CDK5RAP1: variants seen among roughly 807,000 people sequenced by gnomAD.
The protein encoded by CDK5RAP1 is mitochondrial tRNA methylthiotransferase CDK5RAP1.
In CDK5RAP1, 62 loss-of-function variants were observed where a neutral mutation model predicts 64.5. The observed-to-expected ratio is 0.96, with a 90% confidence interval of 0.78 to 1.19. The LOEUF is 1.19. Among genes scored for constraint, CDK5RAP1 ranks in the 50% most tolerant of loss-of-function variants. The pLI is 0.00. For synonymous variants in CDK5RAP1, 250 were observed against 261.9 expected, an observed-to-expected ratio of 0.95 and a Z score of 0.44; for missense variants, 657 against 735.0, an observed-to-expected ratio of 0.89 and a Z score of 1.23.
At position 33,396,782 on chromosome 20, in the gene CDK5RAP1, G is replaced by A. The variant is rs770229470; in HGVS notation, c.283C>T (p.Leu95Phe). The A allele has an allele frequency of 2.5e-6, 4 of 1,613,428 alleles. No homozygotes were observed. The East Asian group carries it at 8.9e-5, about 36-fold the overall frequency. Residue 95 changes from leucine (L) to phenylalanine (F), a missense_variant, in exon 2 of 14, where the codon CTT becomes TTT. Transcript: ENST00000346416. ...CAACCTTTTCTCTGCCTTCCAAGAA[G>A]TTCATCCATCATGAGATAGGGAGGT... ...DPPPYLMMDELLGRQRKVYLE... is the reference protein window; with the variant it reads ...DPPPYLMMDEFLGRQRKVYLE...
chr20:33,381,837 G>T (rs948600038), intron 7 of CDK5RAP1, among the ~76,000 whole-genome samples: 1 of 152,132 alleles, frequency 6.6e-6, no homozygotes, highest in African/African-American at 2.4e-5. Context: ...ATTTATTTGT[G>T]TAAGTTGTGA....
intron 8 of CDK5RAP1, among the ~76,000 whole-genome samples, chr20:33,375,439 CAT>C (rs1316913661): frequency 9.4e-5 from 14 of 148,506 alleles, no homozygotes; most frequent in Admixed American, 8.7e-4. Flanking sequence ...GAAAAGAAAA[CAT>C]AAAGAGAACA....
intron 8 of CDK5RAP1, among the ~76,000 whole-genome samples, chr20:33,374,587 A>G (rs1394401741): frequency 6.6e-6 from 1 of 151,036 alleles, no homozygotes; most frequent in Non-Finnish European, 1.5e-5. Context: ...TTTTTGAGAC[A>G]GAGTATCACT....
chr20:33,359,041 G>A lies in CDK5RAP1; in HGVS notation c.*2C>T, dbSNP rs1200715601. ...AGTCAGCTCTGAGGCCATCCTCTCA[G>A]GTCAGCAATATGCAGAAGAGTCCCT... On this transcript the variant is annotated 3_prime_UTR_variant, in exon 14 of 14. Transcript: ENST00000346416. 1 of 1,608,200 alleles carries A rather than the reference G, an allele frequency of 6.2e-7. No homozygotes were observed. The highest frequency in any genetic ancestry group is 8.5e-7 in the Non-Finnish European group (1 of 1,174,746).
chr20:33,388,527 CCTCTCCCCCTCTCCCTCTCCCCCTCT>C (rs1987762320), intron 5 of CDK5RAP1, among the ~76,000 whole-genome samples: 1 of 97,330 alleles, frequency 1.0e-5, no homozygotes, highest in African/African-American at 4.3e-5. Context: ...TCTCCCTCTC[CCTCTCCCCCTCTCCCTCTCCCCCTCT>C]CCCTCTCCCT....
In CDK5RAP1 at chr20:33,366,921, C is replaced by T; in HGVS notation, c.1480G>A (p.Glu494Lys). Residue 494 changes from glutamate (E) to lysine (K), a missense_variant, in exon 12 of 14, where the codon GAA becomes AAA. Transcript: ENST00000346416. ...GTCTGATTGGCTTTTGTTGCTTCTT[C>T]TCGGAAGATAGTGATGAGTTCCTCC... Reference protein sequence around the residue: ...RLEELITIFREEATKANQTSV... With the variant: ...RLEELITIFRKEATKANQTSV... The T allele has an allele frequency of 6.2e-7, 1 of 1,614,000 alleles. No homozygotes were observed. The highest frequency in any genetic ancestry group is 8.5e-7 in the Non-Finnish European group (1 of 1,179,998).
At chr20:33,400,528 TTAAGAA>T (rs562558303) in intron 1 of CDK5RAP1, among the ~76,000 whole-genome samples, 7 of 152,180 alleles carry the variant, frequency 4.6e-5, no homozygotes, top group South Asian at 2.1e-4. Flanking sequence ...ATAAGTGTTA[TTAAGAA>T]TAAGATATTA....
chr20:33,392,851 T>C (rs1305327990), intron 4 of CDK5RAP1, among the ~76,000 whole-genome samples: 2 of 151,802 alleles, frequency 1.3e-5, no homozygotes, highest in Non-Finnish European at 2.9e-5. Context: ...CCCTTCTACT[T>C]TAACTAGATT....
intron 8 of CDK5RAP1, among the ~76,000 whole-genome samples, chr20:33,378,298 T>C (rs537011342): frequency 1.2e-3 from 181 of 152,306 alleles, no homozygotes; most frequent in African/African-American, 4.2e-3. Context: ...GGAATGGCCG[T>C]CTGTGGAACA....
intron 8 of CDK5RAP1, among the ~76,000 whole-genome samples, chr20:33,375,514 A>G (rs1184301328): frequency 6.6e-6 from 1 of 152,174 alleles, no homozygotes. Context: ...AAAATAAAGG[A>G]TATGTAAAGA....
At chr20:33,393,941 C>A in intron 4 of CDK5RAP1, 91 bp downstream of exon 4, 1 of 906,256 alleles carries the variant, frequency 1.1e-6, no homozygotes, top group Non-Finnish European at 1.9e-6. Context: ...GGGCCACTGG[C>A]TCATCTCCAT....
rs116206778 is a variant in CDK5RAP1 at position 33,361,727 on chromosome 20, G to A, written c.1543-1236C>T. Among the ~76,000 whole-genome samples, 1,248 of 152,088 alleles carry A rather than the reference G, an allele frequency of 8.2e-3. 22 individuals are homozygous for A. The highest frequency in any genetic ancestry group is 0.028 in the African/African-American group (1,175 of 41,482). ...TTCCAGCACTTTGGGAGGCTGAGGC[G>A]AGTGAATTACCTGAGGTCAGGAGTT... On this transcript the variant is annotated intron_variant, in intron 12 of 13. Transcript: ENST00000346416.
At chr20:33,360,534 G>T (rs1982727306) in intron 12 of CDK5RAP1, 43 bp from the exon 13 acceptor site, 6 of 1,575,918 alleles carry the variant, frequency 3.8e-6, no homozygotes, top group Non-Finnish European at 5.2e-6. Flanking sequence ...TGTCACAGTT[G>T]TAAGTTCTTG....
chr20:33,365,315 A>C (rs1011554798), intron 12 of CDK5RAP1, among the ~76,000 whole-genome samples: 5 of 152,008 alleles, frequency 3.3e-5, no homozygotes, highest in Non-Finnish European at 7.4e-5. Flanking sequence ...TCTGTTGCCC[A>C]GGCTGGAGTG....
intron 12 of CDK5RAP1, among the ~76,000 whole-genome samples, 162 bp from the exon 13 acceptor site, chr20:33,360,653 A>G (rs753573320): frequency 1.1e-4 from 16 of 152,212 alleles, no homozygotes; most frequent in Non-Finnish European, 1.9e-4. Context: ...CTGCTTCACC[A>G]GCAAGGGCAG....
chr20:33,386,363 C>T (rs1259585721), intron 6 of CDK5RAP1, among the ~76,000 whole-genome samples: 2 of 152,118 alleles, frequency 1.3e-5, no homozygotes, highest in African/African-American at 4.8e-5. Flanking sequence ...CACCTGGCCC[C>T]TCTACTGTTT....
intron 4 of CDK5RAP1, among the ~76,000 whole-genome samples, chr20:33,392,462 A>ATTTT (rs1202756640): frequency 5.9e-5 from 7 of 119,000 alleles, no homozygotes; most frequent in South Asian, 2.8e-4. Context: ...TTTGGGGGGG[A>ATTTT]TTTTTTTTTT....
chr20:33,387,578 G>T, intron 5 of CDK5RAP1, 45 bp from the exon 6 acceptor site: 1 of 1,458,240 alleles, frequency 6.9e-7, no homozygotes, highest in Non-Finnish European at 9.6e-7. Context: ...AATCCACCTG[G>T]TGTTTAATGG....
chr20:33,396,531 C>T lies in CDK5RAP1; in HGVS notation c.304+230G>A, dbSNP rs535515710. 2.0e-5 allele frequency among the ~76,000 whole-genome samples: 3 copies of T among 152,250 alleles called. No individual in the cohort carries two copies. In the South Asian group the frequency reaches 6.2e-4, roughly 32 times the overall value. ...CCCAGACTGTTCTTGAACTCCTGGG[C>T]TCAAGCAATCCACCCATCTTGGCCT... On this transcript the variant is annotated intron_variant, in intron 2 of 13. Transcript: ENST00000346416.
Sources: allele counts gnomAD v4.1 joint callset (sites outside exome capture counted in the v4.1 genomes callset), GRCh38; gene constraint gnomAD v4.1.1; transcripts MANE v1.5; gene names NCBI Gene and HGNC (gene_info 2026-07-23, HGNC 2026-07-21).